The following SGCZ variants were observed in gnomAD, a reference collection of about 807,000 sequenced individuals.
SGCZ encodes the protein sarcoglycan zeta.
Under a neutral mutation model 41.3 loss-of-function variants are expected in SGCZ, and 40 were observed. The ratio of observed to expected loss-of-function variants is 0.97; its 90% CI spans 0.75 to 1.26. SGCZ has a LOEUF of 1.26. Ranked by LOEUF, SGCZ falls within the 50% of genes most tolerant of loss-of-function variation. SGCZ has a pLI of 0.00. For missense variants in SGCZ, 552 were observed against 369.8 expected (o/e 1.49, Z -4.04); for synonymous variants, 206 against 137.5 (o/e 1.50, Z -3.49).
At chr8:14,568,268 C>A (rs1458479869) in intron 1 of SGCZ, among the ~76,000 whole-genome samples, 2 of 151,916 alleles carry the variant, frequency 1.3e-5, no homozygotes, top group Non-Finnish European at 2.9e-5. Flanking sequence ...AGCATCAGGA[C>A]AATACCTAAT....
chr8:15,129,798 T>G lies in SGCZ; in HGVS notation c.39+107787A>C, dbSNP rs531516503. On this transcript the variant is annotated intron_variant, in intron 1 of 7. Coordinates refer to ENST00000382080, the MANE Select transcript of SGCZ (RefSeq NM_139167.4). ...GAACTCTCTTTGCAGGAAGTTGCCA[T>G]GCTTCAAATGACATAGAAAATTAGC... 3.3e-5 allele frequency among the ~76,000 whole-genome samples: 5 copies of G among 151,796 alleles called. No homozygotes were observed. The East Asian group carries it at 9.7e-4, about 29-fold the overall frequency.
chr8:14,348,648 C>T (rs1288710381), intron 2 of SGCZ, among the ~76,000 whole-genome samples: 1 of 152,106 alleles, frequency 6.6e-6, no homozygotes, highest in African/African-American at 2.4e-5. Context: ...TAAGGTATGG[C>T]TTATTCTCCC....
intron 4 of SGCZ, among the ~76,000 whole-genome samples, chr8:14,221,827 G>A (rs139339052): frequency 1.9e-3 from 288 of 151,952 alleles, no homozygotes; most frequent in Non-Finnish European, 3.6e-3. Flanking sequence ...ATCTCAGCTG[G>A]GTGTAATGGC....
chr8:14,250,223 T>A (rs1258988656), intron 3 of SGCZ, among the ~76,000 whole-genome samples: 1 of 152,170 alleles, frequency 6.6e-6, no homozygotes, highest in African/African-American at 2.4e-5. Context: ...ATCTGGAGTG[T>A]GGCCCCAAAT....
At chr8:14,957,815 C>A (rs1254080236) in intron 1 of SGCZ, among the ~76,000 whole-genome samples, 1 of 151,864 alleles carries the variant, frequency 6.6e-6, no homozygotes, top group African/African-American at 2.4e-5. Context: ...ATACATAAAA[C>A]AAAAGTCAAG....
intron 1 of SGCZ, among the ~76,000 whole-genome samples, chr8:14,980,434 A>T (rs768334843): frequency 3.9e-5 from 6 of 152,224 alleles, no homozygotes; most frequent in Non-Finnish European, 5.9e-5. Flanking sequence ...CTTCATTGAT[A>T]TAGAAATATC....
At chr8:14,445,645 G>A (rs889023485) in intron 2 of SGCZ, among the ~76,000 whole-genome samples, 13 of 152,150 alleles carry the variant, frequency 8.5e-5, no homozygotes, top group African/African-American at 2.9e-4. Flanking sequence ...CATTATCCTT[G>A]GACATCGAAC....
chr8:14,448,744 C>T (rs1800506471), intron 2 of SGCZ, among the ~76,000 whole-genome samples: 1 of 152,122 alleles, frequency 6.6e-6, no homozygotes, highest in Non-Finnish European at 1.5e-5. Context: ...CCATGATCGC[C>T]GTTGATGCAA....
intron 1 of SGCZ, among the ~76,000 whole-genome samples, chr8:14,660,882 T>C (rs1256072691): frequency 6.6e-6 from 1 of 152,170 alleles, no homozygotes; most frequent in African/African-American, 2.4e-5. Context: ...AACTTTTATA[T>C]AGAGGTCTTA....
chr8:15,162,000 C>T (rs996317233), intron 1 of SGCZ, among the ~76,000 whole-genome samples: 1 of 152,186 alleles, frequency 6.6e-6, no homozygotes, highest in African/African-American at 2.4e-5. Context: ...CACGGCACTC[C>T]AGCCTGGGTA....
At chr8:15,202,034 A>C (rs140591713) in intron 1 of SGCZ, among the ~76,000 whole-genome samples, 73 of 152,296 alleles carry the variant, frequency 4.8e-4, no homozygotes, top group African/African-American at 1.7e-3. Flanking sequence ...TTAGAAACTC[A>C]ACCACTCCTG....
At chr8:15,158,182 G>A (rs1221885329) in intron 1 of SGCZ, among the ~76,000 whole-genome samples, 1 of 151,276 alleles carries the variant, frequency 6.6e-6, no homozygotes, top group East Asian at 1.9e-4. Context: ...AAAAAATGGT[G>A]AAAAGATATA....
chr8:14,136,701 T>C (rs1803209929), intron 5 of SGCZ, among the ~76,000 whole-genome samples: 1 of 152,150 alleles, frequency 6.6e-6, no homozygotes, highest in Admixed American at 6.5e-5. Context: ...CCTGCCTCCA[T>C]AGACTCCACC....
At chr8:14,158,730 A>G (rs1410872785) in intron 5 of SGCZ, among the ~76,000 whole-genome samples, 1 of 152,196 alleles carries the variant, frequency 6.6e-6, no homozygotes, top group East Asian at 1.9e-4. Context: ...AGTAACTACG[A>G]CCAAGTCTTG....
intron 1 of SGCZ, among the ~76,000 whole-genome samples, chr8:14,908,743 CAAAAAA>C (rs58817872): frequency 1.4e-3 from 126 of 91,116 alleles, no homozygotes; most frequent in African/African-American, 4.7e-3. Context: ...GTCACCGTTG[CAAAAAA>C]AAAAAAAAAA....
At chr8:14,551,447 T>G (rs1563403995) in intron 2 of SGCZ, among the ~76,000 whole-genome samples, 2 of 3,504 alleles carry the variant, frequency 5.7e-4, no homozygotes, top group Non-Finnish European at 2.4e-3. Context: ...AACTATTTCA[T>G]ATATATATTA....
At chr8:14,490,890 G>C (rs1801823203) in intron 2 of SGCZ, among the ~76,000 whole-genome samples, 1 of 152,144 alleles carries the variant, frequency 6.6e-6, no homozygotes. Flanking sequence ...ATATATTGCT[G>C]TTTCAGGAGC....
At chr8:14,106,694 G>C (rs545707392) in intron 6 of SGCZ, among the ~76,000 whole-genome samples, 3 of 152,232 alleles carry the variant, frequency 2.0e-5, no homozygotes, top group East Asian at 1.9e-4. Flanking sequence ...GAAATAAAAA[G>C]GTTTTGTAAC....
At chr8:14,717,206 C>T (rs186478552) in intron 1 of SGCZ, among the ~76,000 whole-genome samples, 2 of 151,996 alleles carry the variant, frequency 1.3e-5, no homozygotes, top group East Asian at 3.9e-4. Flanking sequence ...TAGTATGAAA[C>T]ATTCAATACC....
Sources: gnomAD v4.1 joint callset for allele counts (sites outside exome capture counted in the v4.1 genomes callset) on GRCh38, gnomAD v4.1.1 for gene constraint, MANE v1.5 for transcripts, NCBI Gene and HGNC (gene_info 2026-07-23, HGNC 2026-07-21) for gene names.